The following DENND6B variants were observed in gnomAD, a reference collection of about 807,000 sequenced individuals.
The protein encoded by DENND6B is protein DENND6B.
A neutral mutation model predicts 85.1 loss-of-function variants in DENND6B; 73 were observed. The ratio of observed to expected loss-of-function variants is 0.86; its 90% CI spans 0.71 to 1.04. The LOEUF (loss-of-function observed/expected upper bound fraction) is 1.04. Ranked by LOEUF, DENND6B falls within the 50% of genes least tolerant of loss-of-function variation. The pLI, the probability that DENND6B is intolerant of heterozygous loss-of-function variation, is 0.00. For synonymous variants in DENND6B, 357 were observed against 329.3 expected (o/e 1.08, Z -0.91); for missense variants, 715 against 785.8 (o/e 0.91, Z 1.08).
rs1187524984 is a variant in DENND6B at position 50,312,625 on chromosome 22, C to T, written c.1458G>A (p.Arg486=). 7 of 1,568,464 alleles carry T rather than the reference C, an allele frequency of 4.5e-6. No individual in the cohort carries two copies. The highest frequency in any genetic ancestry group is 6.0e-6 in the Non-Finnish European group (7 of 1,157,634). ...CAAAATGGGGGGACTTGAAAAACCG[C>T]CTGTGGGGATTAACAGGCGGGGGGC... ...ILKGDWLGLY[R]RFFKSPHFDG... Residue 486 remains arginine (R), a splice_region_variant and synonymous_variant, in exon 18 of 20, where the codon AGG becomes AGA. Coordinates refer to ENST00000413817, the MANE Select transcript of DENND6B (RefSeq NM_001001794.4).
chr22:50,315,005 G>A, intron 9 of DENND6B, 84 bp from the exon 10 acceptor site: 2 of 1,563,036 alleles, frequency 1.3e-6, no homozygotes, highest in Non-Finnish European at 8.7e-7. Flanking sequence ...GTTCACCCAG[G>A]CTGGCCCAGG....
At chr22:50,317,831 T>C in intron 4 of DENND6B, 77 bp downstream of exon 4, 1 of 1,426,712 alleles carries the variant, frequency 7.0e-7, no homozygotes, top group South Asian at 1.3e-5. Context: ...TGAAGGGGCT[T>C]CTCCTACCAG....
intron 16 of DENND6B, 150 bp from the exon 17 acceptor site, chr22:50,313,258 C>T: frequency 8.7e-7 from 1 of 1,154,140 alleles, no homozygotes; most frequent in Non-Finnish European, 1.2e-6. Context: ...TCCCAGGGAG[C>T]AGGCCCTGAG....
At chr22:50,324,365 C>T (rs947572320) in intron 1 of DENND6B, among the ~76,000 whole-genome samples, 1 of 152,222 alleles carries the variant, frequency 6.6e-6, no homozygotes, top group Non-Finnish European at 1.5e-5. Context: ...CTTGTCTACT[C>T]ACTTACATGC....
rs2068041052 is a variant in DENND6B at position 50,310,176 on chromosome 22, C to T, written c.*1963G>A. The T allele has an allele frequency of 6.6e-6, 1 of 152,252 alleles. No individual in the cohort carries two copies. Among genetic ancestry groups the T allele is most frequent in the African/African-American group, 2.4e-5 (1 of 41,460 alleles). The allele number at this position is 152,252 out of a possible 1,614,324, so 9.4% of individuals were successfully genotyped here. A position where few individuals can be genotyped will look rare whatever the true frequency, so the allele number is the denominator to read the frequency against. ...AAGCCCTCAGTGGGGAGGCTGGTCC[C>T]CCTGTGCTACAGTCAGGAGGCCCAA... On this transcript the variant is annotated 3_prime_UTR_variant, in exon 20 of 20. Coordinates refer to ENST00000413817, the MANE Select transcript of DENND6B (RefSeq NM_001001794.4).
intron 11 of DENND6B, 31 bp from the exon 12 acceptor site, chr22:50,314,525 G>A (rs1026291653): frequency 3.2e-6 from 5 of 1,554,614 alleles, no homozygotes; most frequent in Middle Eastern, 3.3e-4. Flanking sequence ...AAGAGGCAGA[G>A]ACAGAGGTCC....
In DENND6B at chr22:50,314,911, G is replaced by T; in HGVS notation, c.769C>A (p.Pro257Thr). ...AGTGTCTGCATATGAGTCAGCACAG[G>T]CCGGAAGCACCTGGGGCCGGGCAGG... is the stretch of plus-strand genomic sequence containing the variant. ...HELDLFRCFR[P>T]VLTHMQTLWE... is the part of the protein sequence containing the mutation. The change falls in exon 10 of 20, where the codon CCT becomes ACT. Residue 257 changes from proline (P) to threonine (T), a missense_variant. By Grantham distance (38) the Pro-to-Thr change is conservative (BLOSUM62 -1). Transcript: ENST00000413817. 6.2e-7 allele frequency: 1 copy of T among 1,610,078 alleles called. No individual in the cohort carries two copies. The highest frequency in any genetic ancestry group is 1.3e-5 in the African/African-American group (1 of 74,982).
chr22:50,317,794 C>A, intron 4 of DENND6B, 114 bp downstream of exon 4: 4 of 1,109,824 alleles, frequency 3.6e-6, no homozygotes, highest in Non-Finnish European at 3.8e-6. Flanking sequence ...GCCAGCTCCT[C>A]TCCTGCCACA....
Position 50,326,882 on chromosome 22 carries a change from G to A in DENND6B, c.107C>T (p.Ala36Val). 7.1e-7 allele frequency: 1 copy of A among 1,415,710 alleles called. No individual in the cohort carries two copies. Among genetic ancestry groups the A allele is most frequent in the East Asian group, 3.1e-5 (1 of 31,938 alleles). 87.7% of individuals were successfully genotyped at this position (1,415,710 alleles called of 1,614,324 possible). A position where few individuals can be genotyped will look rare whatever the true frequency, so the allele number is the denominator to read the frequency against. The change falls in exon 1 of 20, where the codon GCG (alanine) becomes GTG (valine). Residue 36 changes from alanine to valine, a missense_variant. Transcript: ENST00000413817. The stretch of plus-strand genomic sequence containing the variant: ...ACACTCCAGCCAGGCGGAGAAGCGC[G>A]CCCAGGGCGCCGCCGGGGTCCGCGC... ...RAARTPAAPW[A>V]RFSAWLECVC...
intron 1 of DENND6B, among the ~76,000 whole-genome samples, chr22:50,320,440 T>C (rs2042007795): frequency 6.6e-6 from 1 of 152,248 alleles, no homozygotes; most frequent in African/African-American, 2.4e-5. Flanking sequence ...ATGGTCCTGC[T>C]TTGCCTCTTC....
rs1206745769 is a variant in DENND6B, at chr22:50,309,039, A to G, written c.*3100T>C. The G allele has an allele frequency of 6.6e-6, 1 of 152,254 alleles. No individual in the cohort carries two copies. Among genetic ancestry groups the G allele is most frequent in the Non-Finnish European group, 1.5e-5 (1 of 68,054 alleles). 9.4% of individuals were successfully genotyped at this position (152,254 alleles called of 1,614,324 possible). ...AAAGGAAAAGACAAGGTCCAGTCAC[A>G]AAAGGACATTTTAATACCAAAACTG... On this transcript the variant is annotated 3_prime_UTR_variant, in exon 20 of 20. Transcript: ENST00000413817.
intron 9 of DENND6B, 28 bp downstream of exon 9, chr22:50,315,686 G>C (rs2041787976): frequency 1.3e-6 from 2 of 1,560,800 alleles, no homozygotes; most frequent in Non-Finnish European, 1.7e-6. Context: ...CTCCTCAAAA[G>C]CAGTGTGCAG....
rs868538308 is a variant in DENND6B, at chr22:50,314,604, C to T, written c.977+1G>A. 1.6e-5 allele frequency: 25 copies of T among 1,560,194 alleles called. No homozygotes were observed. Among genetic ancestry groups the T allele is most frequent in the Non-Finnish European group, 2.1e-5 (24 of 1,152,618 alleles). Reference sequence around the variant, plus strand: ...AGAGGCGGGGCAGAGGCGGCACTTACGGGGCCTGCGTGCGTGTGGTGAACT... The same window carrying T: ...AGAGGCGGGGCAGAGGCGGCACTTATGGGGCCTGCGTGCGTGTGGTGAACT... On this transcript the variant is annotated splice_donor_variant, in intron 11 of 19. Coordinates refer to ENST00000413817, the MANE Select transcript of DENND6B (RefSeq NM_001001794.4). LOFTEE classifies it high-confidence loss of function.
intron 1 of DENND6B, among the ~76,000 whole-genome samples, chr22:50,322,250 AT>A (rs1463130680): frequency 6.6e-6 from 1 of 151,690 alleles, no homozygotes; most frequent in Non-Finnish European, 1.5e-5. Context: ...AATTTTTTGT[AT>A]TTTTAGTAGA....
chr22:50,322,011 A>G (rs2042059786), intron 1 of DENND6B, among the ~76,000 whole-genome samples: 2 of 151,820 alleles, frequency 1.3e-5, no homozygotes, highest in South Asian at 4.1e-4. Context: ...CCTTGGTTTT[A>G]ACTCCTGGTA....
In DENND6B at chr22:50,313,811, T is replaced by C. The variant is rs1202260334; in HGVS notation, c.1203+3A>G. The C allele has an allele frequency of 6.2e-7, 1 of 1,611,744 alleles. No homozygotes were observed. Reference sequence around the variant, plus strand: ...CCCAGCCCCTGCCCCACAAACCATATACCTTGAGCAGCCGTTTGAGCAGCG... The same window carrying C: ...CCCAGCCCCTGCCCCACAAACCATACACCTTGAGCAGCCGTTTGAGCAGCG... On this transcript the variant is annotated splice_donor_region_variant and intron_variant, in intron 14 of 19. Coordinates refer to ENST00000413817, the MANE Select transcript of DENND6B (RefSeq NM_001001794.4).
At chr22:50,319,305 G>A (rs909978750) in intron 1 of DENND6B, 9 of 985,106 alleles carry the variant, frequency 9.1e-6, no homozygotes, top group Admixed American at 6.2e-5. Context: ...ACCAGGCCCC[G>A]GGCAACTCCC....
rs374620141 is a variant in DENND6B, at chr22:50,316,272, G to A, written c.560-19C>T. On this transcript the variant is annotated intron_variant, in intron 6 of 19. Transcript: ENST00000413817. The stretch of plus-strand genomic sequence containing the variant: ...CTGCACACTGCGGATGCAGTAGCCC[G>A]CATCAGGACCCTCCCCAAGGAGAAG... The A allele has an allele frequency of 1.8e-5, 29 of 1,583,646 alleles. No homozygotes were observed. The highest frequency in any genetic ancestry group is 3.6e-5 in the Admixed American group (2 of 55,008).
intron 9 of DENND6B, 71 bp from the exon 10 acceptor site, chr22:50,314,992 A>C (rs2041756013): frequency 1.3e-6 from 2 of 1,581,012 alleles, no homozygotes; most frequent in East Asian, 4.5e-5. Context: ...CCGCTCTCCC[A>C]CCGTTCACCC....
Sources: allele counts gnomAD v4.1 joint callset (sites outside exome capture counted in the v4.1 genomes callset), GRCh38; gene constraint gnomAD v4.1.1; transcripts MANE v1.5; gene names NCBI Gene and HGNC (gene_info 2026-07-23, HGNC 2026-07-21).